The following SEH1L variants were observed in gnomAD, a reference collection of about 807,000 sequenced individuals.
SEH1L encodes the protein SEH1 like nucleoporin, also known as nucleoporin SEH1.
In SEH1L, 18 loss-of-function variants were observed where a neutral mutation model predicts 49.5. That is an observed-to-expected ratio of 0.36 (90% CI 0.25 to 0.54). The LOEUF (loss-of-function observed/expected upper bound fraction) is 0.54. SEH1L is among the 20% of genes least tolerant of loss of function. SEH1L has a pLI of 0.87. For synonymous variants in SEH1L, 169 were observed against 178.1 expected (o/e 0.95, Z 0.41); for missense variants, 404 against 528.8 (o/e 0.76, Z 2.31).
chr18:12,953,444 C>T (rs1229847286), intron 2 of SEH1L, among the ~76,000 whole-genome samples: 1 of 152,196 alleles, frequency 6.6e-6, no homozygotes, highest in Non-Finnish European at 1.5e-5. Context: ...GTGGCTGTGC[C>T]CACCAGCCAT....
chr18:12,980,333 C>G lies in SEH1L; in HGVS notation c.761+1441C>G, dbSNP rs1254396483. On this transcript the variant is annotated intron_variant, in intron 6 of 8. Transcript: ENST00000399892. ...GTAGGGGCGGCCGGGCAGAGGCGCC[C>G]CTCACCTCCCGGACAGGGCGGCTGG... Among the ~76,000 whole-genome samples the G allele has an allele frequency of 1.6e-5, 2 of 123,786 alleles. 1 individual carries two copies. The highest frequency in any genetic ancestry group is 3.5e-5 in the Non-Finnish European group (2 of 57,914). The allele number at this position is 123,786 out of a possible 152,430, so 81.2% of individuals were successfully genotyped here.
chr18:12,971,272 A>C, intron 5 of SEH1L, 21 bp downstream of exon 5: 1 of 1,452,968 alleles, frequency 6.9e-7, no homozygotes, highest in Non-Finnish European at 9.6e-7. Context: ...CTTTGGTTTT[A>C]ATAATTGTTC....
At chr18:12,979,750 A>T (rs1401785594) in intron 6 of SEH1L, among the ~76,000 whole-genome samples, 1 of 109,164 alleles carries the variant, frequency 9.2e-6, no homozygotes, top group Non-Finnish European at 1.9e-5. Flanking sequence ...CGGGGGGCTG[A>T]CCCCCCCACC....
chr18:12,964,738 C>T (rs1055539711), intron 4 of SEH1L, among the ~76,000 whole-genome samples: 13 of 145,572 alleles, frequency 8.9e-5, no homozygotes, highest in East Asian at 2.1e-4. Context: ...TGGGTTCAAA[C>T]GATTCTCCTG....
At chr18:12,963,039 A>C (rs1268429312) in intron 3 of SEH1L, 121 bp from the exon 4 acceptor site, 2 of 651,140 alleles carry the variant, frequency 3.1e-6, no homozygotes, top group Non-Finnish European at 5.1e-6. Flanking sequence ...GATGTATCCA[A>C]GCTTATATAC....
intron 6 of SEH1L, among the ~76,000 whole-genome samples, chr18:12,980,795 G>A (rs1375156122): frequency 6.6e-5 from 5 of 76,308 alleles, no homozygotes; most frequent in Admixed American, 1.3e-4. Context: ...CTCACCTCCC[G>A]GACGGGGCGG....
chr18:12,981,471 G>A (rs1473750547), intron 6 of SEH1L, among the ~76,000 whole-genome samples: 1 of 152,244 alleles, frequency 6.6e-6, no homozygotes, highest in African/African-American at 2.4e-5. Flanking sequence ...GGAGGCCGAG[G>A]CTGGCGGATC....
chr18:12,967,770 T>C (rs2031516201), intron 4 of SEH1L, among the ~76,000 whole-genome samples: 1 of 151,962 alleles, frequency 6.6e-6, no homozygotes, highest in South Asian at 2.1e-4. Flanking sequence ...AAAAATTAGA[T>C]GGGCGTGGTG....
At chr18:12,985,291 T>G in intron 8 of SEH1L, 5 of 1,603,342 alleles carry the variant, frequency 3.1e-6, no homozygotes, top group African/African-American at 1.3e-5. Context: ...TTTTGCTGCT[T>G]GTTGCATGCA....
At chr18:12,966,541 A>G (rs2031462316) in intron 4 of SEH1L, among the ~76,000 whole-genome samples, 1 of 152,208 alleles carries the variant, frequency 6.6e-6, no homozygotes, top group Non-Finnish European at 1.5e-5. Context: ...CTGGGACTAC[A>G]GGCATTCACC....
At chr18:12,954,150 ATTT>A (rs2030715613) in intron 2 of SEH1L, among the ~76,000 whole-genome samples, 1 of 152,236 alleles carries the variant, frequency 6.6e-6, no homozygotes, top group East Asian at 1.9e-4. Flanking sequence ...TGGTTAAACT[ATTT>A]TTATGTTGTT....
At chr18:12,957,845 T>C (rs921973784) in intron 3 of SEH1L, among the ~76,000 whole-genome samples, 1 of 152,030 alleles carries the variant, frequency 6.6e-6, no homozygotes, top group Admixed American at 6.6e-5. Flanking sequence ...GCCCCACAAG[T>C]AGCTGGGATC....
chr18:12,969,375 G>C (rs995429906), intron 4 of SEH1L, among the ~76,000 whole-genome samples: 4 of 151,674 alleles, frequency 2.6e-5, no homozygotes, highest in Admixed American at 1.3e-4. Flanking sequence ...GCAACATAGT[G>C]AGACTCCAGT....
chr18:12,978,485 G>A (rs58764311), intron 5 of SEH1L: 31,474 of 309,114 alleles, frequency 0.1, 2,284 homozygotes, highest in African/African-American at 0.23. Flanking sequence ...CTTACTGCAC[G>A]TTGGATTTAG....
intron 1 of SEH1L, among the ~76,000 whole-genome samples, chr18:12,951,583 G>C (rs909051291): frequency 6.6e-6 from 1 of 152,206 alleles, no homozygotes; most frequent in East Asian, 1.9e-4. Flanking sequence ...TAGAGACGGG[G>C]TTTCACCACG....
intron 3 of SEH1L, among the ~76,000 whole-genome samples, chr18:12,958,064 CTTTTTTTTTTTTTTTTTTTTTTTTTT>C (rs57733399): frequency 1.6e-5 from 1 of 62,036 alleles, no homozygotes; most frequent in South Asian, 7.8e-4. Context: ...CTCATTTTAA[CTTTTTTTTTTTTTTTTTTTTTTTTTT>C]TTTTTTTTTT....
Position 12,982,451 on chromosome 18 carries a change from G to T in SEH1L, c.762-67G>T, listed in dbSNP as rs141239172. On this transcript the variant is annotated intron_variant, in intron 6 of 8. Coordinates refer to ENST00000399892, the MANE Select transcript of SEH1L (RefSeq NM_001013437.2). ...GAATTTTACGTGTGTATATATATAT[G>T]TGTGTGTATATATATATGTTTTAAA... The T allele has an allele frequency of 6.2e-3, 6,573 of 1,066,376 alleles. 16 individuals are homozygous for T. The highest frequency in any genetic ancestry group is 7.4e-3 in the Non-Finnish European group (5,369 of 728,076). 66.1% of individuals were successfully genotyped at this position (1,066,376 alleles called of 1,614,324 possible). A position where few individuals can be genotyped will look rare whatever the true frequency, so the allele number is the denominator to read the frequency against.
At chr18:12,956,017 T>G (rs540411257) in intron 3 of SEH1L, among the ~76,000 whole-genome samples, 136 of 152,114 alleles carry the variant, frequency 8.9e-4, no homozygotes, top group African/African-American at 3.1e-3. Context: ...TTTTTTTTTT[T>G]TAACTTTAAA....
intron 8 of SEH1L, chr18:12,985,126 T>A: frequency 8.3e-7 from 1 of 1,200,320 alleles, no homozygotes. Context: ...ACTGCATATT[T>A]TCTTTTGTAA....
Sources: allele counts gnomAD v4.1 joint callset (sites outside exome capture counted in the v4.1 genomes callset), GRCh38; gene constraint gnomAD v4.1.1; transcripts MANE v1.5; gene names NCBI Gene and HGNC (gene_info 2026-07-23, HGNC 2026-07-21).